The following WDR27 variants were observed in gnomAD, a reference collection of about 807,000 sequenced individuals.
WDR27 encodes the protein WD repeat-containing protein 27.
A neutral mutation model predicts 114.4 loss-of-function variants in WDR27; 100 were observed. The observed-to-expected ratio is 0.87, with a 90% CI of 0.74 to 1.03. The LOEUF (loss-of-function observed/expected upper bound fraction) is 1.03. Among genes scored for constraint, WDR27 ranks in the 50% least tolerant of loss-of-function variants. The pLI is 0.00. For missense variants in WDR27, 1,129 were observed against 1,092.9 expected (o/e 1.03, Z -0.47); for synonymous variants, 449 against 423.1 (o/e 1.06, Z -0.75).
chr6:169,632,798 T>C, intron 21 of WDR27, 149 bp downstream of exon 21: 1 of 767,968 alleles, frequency 1.3e-6, no homozygotes, highest in Non-Finnish European at 1.9e-6. Flanking sequence ...GGGTCAAACA[T>C]CAAGGCTTCG....
intron 25 of WDR27, among the ~76,000 whole-genome samples, chr6:169,497,671 T>A (rs1790585968): frequency 6.6e-6 from 1 of 152,244 alleles, no homozygotes; most frequent in East Asian, 1.9e-4. Flanking sequence ...TCACTAATCA[T>A]TTGGGAAACG....
chr6:169,489,197 A>G (rs1188597325), intron 25 of WDR27, among the ~76,000 whole-genome samples: 1 of 152,144 alleles, frequency 6.6e-6, no homozygotes, highest in East Asian at 1.9e-4. Flanking sequence ...CTTCCCGCTG[A>G]GCACCTCCTG....
At chr6:169,680,410 G>C (rs1317941724) in intron 2 of WDR27, among the ~76,000 whole-genome samples, 1 of 152,146 alleles carries the variant, frequency 6.6e-6, no homozygotes, top group East Asian at 1.9e-4. Context: ...GTGAAACCCT[G>C]TCTCTACTAA....
chr6:169,479,979 C>G (rs1787732213), intron 25 of WDR27, among the ~76,000 whole-genome samples: 1 of 152,228 alleles, frequency 6.6e-6, no homozygotes, highest in African/African-American at 2.4e-5. Context: ...TGTGGGAGCC[C>G]CTCTCTGGGC....
chr6:169,680,383 C>T (rs942556759), intron 2 of WDR27, among the ~76,000 whole-genome samples: 20 of 152,140 alleles, frequency 1.3e-4, no homozygotes, highest in African/African-American at 4.6e-4. Context: ...GAGATCGAGA[C>T]CATCCTGGCT....
At chr6:169,545,784 C>A (rs563909647) in intron 25 of WDR27, among the ~76,000 whole-genome samples, 18 of 152,166 alleles carry the variant, frequency 1.2e-4, no homozygotes, top group African/African-American at 3.9e-4. Flanking sequence ...AGATATCTGA[C>A]AAAACACTAG....
intron 23 of WDR27, among the ~76,000 whole-genome samples, chr6:169,591,260 G>C (rs922353051): frequency 2.6e-5 from 4 of 152,070 alleles, no homozygotes; most frequent in Admixed American, 1.3e-4. Context: ...ATCTGTATGT[G>C]TTCTTAAGCA....
At chr6:169,574,525 C>T (rs954145079) in intron 24 of WDR27, among the ~76,000 whole-genome samples, 6 of 152,224 alleles carry the variant, frequency 3.9e-5, no homozygotes, top group African/African-American at 1.4e-4. Context: ...GTGAGTGCCA[C>T]ATCCGCCCCA....
chr6:169,428,330 T>C, the WDR27 span, among the ~76,000 whole-genome samples: 2 of 152,188 alleles, frequency 1.3e-5, no homozygotes, highest in Admixed American at 1.3e-4. Context: ...GCCCAGCAAG[T>C]ACTTTCAGAA....
intron 25 of WDR27, among the ~76,000 whole-genome samples, chr6:169,463,904 A>G (rs1255977799): frequency 1.3e-5 from 2 of 152,226 alleles, no homozygotes; most frequent in African/African-American, 4.8e-5. Context: ...CATTCATTAA[A>G]ACACTTCCCA....
chr6:169,608,596 T>G (rs2128179654), intron 22 of WDR27, among the ~76,000 whole-genome samples: 1 of 152,290 alleles, frequency 6.6e-6, no homozygotes. Context: ...TGGGGGAAAC[T>G]GCCCACATGA....
At chr6:169,661,257 C>A (rs1376238659) in intron 9 of WDR27, among the ~76,000 whole-genome samples, 1 of 152,246 alleles carries the variant, frequency 6.6e-6, no homozygotes, top group Non-Finnish European at 1.5e-5. Flanking sequence ...TGGGCCAAGG[C>A]CACTGCTCAG....
intron 24 of WDR27, among the ~76,000 whole-genome samples, chr6:169,580,966 T>TATATATATATAA: frequency 6.8e-6 from 1 of 147,938 alleles, no homozygotes; most frequent in South Asian, 2.1e-4. Flanking sequence ...TATATATATA[T>TATATATATATAA]ATAAATTCGG....
At chr6:169,613,429 T>G in intron 22 of WDR27, 130 bp downstream of exon 22, 1 of 679,224 alleles carries the variant, frequency 1.5e-6, no homozygotes, top group Non-Finnish European at 2.4e-6. Context: ...TTTCTGTGCA[T>G]AAATCAGTCT....
chr6:169,543,673 T>C (rs531829302), intron 25 of WDR27, among the ~76,000 whole-genome samples: 1 of 152,258 alleles, frequency 6.6e-6, no homozygotes, highest in Non-Finnish European at 1.5e-5. Context: ...GATATGAGGT[T>C]GGGAAAGGAA....
In WDR27 at chr6:169,662,412, A is replaced by G; in HGVS notation, c.917T>C (p.Leu306Pro). The G allele has an allele frequency of 1.2e-6, 2 of 1,613,992 alleles. No individual in the cohort carries two copies. The highest frequency in any genetic ancestry group is 2.2e-5 in the South Asian group (2 of 91,088). The change falls in exon 9 of 26, where the codon CTT becomes CCT. Residue 306 changes from leucine (L) to proline (P), a missense_variant. Leu to Pro is a moderately conservative substitution (Grantham distance 98, BLOSUM62 -3). Coordinates refer to ENST00000448612, the MANE Select transcript of WDR27 (RefSeq NM_182552.5). ...TTTTCCCAGAGCACTTGTAGAGGGA[A>G]GCTGGCTTTCTTCTAGGGACAGAAT... ...GLCSQPEESQ[L>P]PSTSALGKGE...
chr6:169,545,591 T>C (rs558678634), intron 25 of WDR27, among the ~76,000 whole-genome samples: 1 of 152,174 alleles, frequency 6.6e-6, no homozygotes, highest in Non-Finnish European at 1.5e-5. Flanking sequence ...GGTCAGAGGA[T>C]CACTTGAGTC....
intron 2 of WDR27, among the ~76,000 whole-genome samples, chr6:169,687,262 C>T (rs1263503207): frequency 6.6e-6 from 1 of 151,908 alleles, no homozygotes; most frequent in Non-Finnish European, 1.5e-5. Flanking sequence ...AAAATATGTA[C>T]AACTATTACA....
intron 16 of WDR27, among the ~76,000 whole-genome samples, chr6:169,645,258 C>T (rs940655679): frequency 1.1e-4 from 17 of 150,688 alleles, no homozygotes; most frequent in Middle Eastern, 3.5e-3. Context: ...AATCCTAGTT[C>T]GTATGAGTCT....
Sources: gnomAD v4.1 joint callset for allele counts (sites outside exome capture counted in the v4.1 genomes callset) on GRCh38, gnomAD v4.1.1 for gene constraint, MANE v1.5 for transcripts, NCBI Gene and HGNC (gene_info 2026-07-23, HGNC 2026-07-21) for gene names.